The following EPB41L4B variants were observed in gnomAD, a reference collection of about 807,000 sequenced individuals.
The protein encoded by EPB41L4B is band 4.1-like protein 4B.
Under a neutral mutation model 112.5 loss-of-function variants are expected in EPB41L4B, and 30 were observed. The ratio of observed to expected loss-of-function variants is 0.27; its 90% confidence interval spans 0.20 to 0.36. The LOEUF (loss-of-function observed/expected upper bound fraction) is 0.36. Ranked by LOEUF, EPB41L4B falls within the 10% of genes least tolerant of loss-of-function variation. The pLI is 1.00. For missense variants in EPB41L4B, 1,024 were observed against 1,133.3 expected, an observed-to-expected ratio of 0.90 and a Z score of 1.38; for synonymous variants, 408 against 439.7, an observed-to-expected ratio of 0.93 and a Z score of 0.90.
rs190789086 is a variant in EPB41L4B, at chr9:109,216,533, C to T, written c.1633+389G>A. On this transcript the variant is annotated intron_variant, in intron 16 of 25. Transcript: ENST00000374566. Reference sequence around the variant, plus strand: ...GCACATGCCTATAATCTCAGCTACTCGGGAGGCTGAGGCAGGAGAATTGCT... The same window carrying T: ...GCACATGCCTATAATCTCAGCTACTTGGGAGGCTGAGGCAGGAGAATTGCT... Among the ~76,000 whole-genome samples the T allele has an allele frequency of 6.6e-5, 10 of 151,236 alleles. No homozygotes were observed. The East Asian group carries it at 7.8e-4, about 12-fold the overall frequency.
intron 1 of EPB41L4B, among the ~76,000 whole-genome samples, chr9:109,309,908 G>A (rs1355402620): frequency 6.6e-6 from 1 of 152,224 alleles, no homozygotes; most frequent in Non-Finnish European, 1.5e-5. Context: ...AATGCCAAGT[G>A]TTGGAGAAGA....
At chr9:109,293,530 C>T (rs971018449) in intron 1 of EPB41L4B, among the ~76,000 whole-genome samples, 1 of 151,530 alleles carries the variant, frequency 6.6e-6, no homozygotes, top group African/African-American at 2.4e-5. Context: ...TTACAGGCAC[C>T]CGCCACCACG....
intron 2 of EPB41L4B, among the ~76,000 whole-genome samples, chr9:109,274,439 T>C (rs1346106184): frequency 6.6e-6 from 1 of 152,108 alleles, no homozygotes; most frequent in Non-Finnish European, 1.5e-5. Context: ...GTAGACAGTC[T>C]CTCCTCCAGA....
chr9:109,306,660 C>T (rs1055751150), intron 1 of EPB41L4B, among the ~76,000 whole-genome samples: 4 of 152,046 alleles, frequency 2.6e-5, no homozygotes, highest in African/African-American at 9.7e-5. Context: ...GTGAAGGGGT[C>T]CCACCTCCCA....
intron 6 of EPB41L4B, among the ~76,000 whole-genome samples, chr9:109,258,806 A>G (rs985250492): frequency 3.9e-5 from 6 of 152,164 alleles, no homozygotes; most frequent in African/African-American, 1.4e-4. Flanking sequence ...GGAGGCAGGG[A>G]GGAGGGGTGC....
At chr9:109,229,618 AG>A (rs1833890721) in intron 15 of EPB41L4B, among the ~76,000 whole-genome samples, 1 of 152,212 alleles carries the variant, frequency 6.6e-6, no homozygotes, top group South Asian at 2.1e-4. Context: ...CACCTTCTGG[AG>A]GAGCTGGTTG....
In EPB41L4B at chr9:109,256,237, G is replaced by C. The variant is rs530948612; in HGVS notation, c.841-13C>G. The C allele has an allele frequency of 6.2e-7, 1 of 1,612,498 alleles. No homozygotes were observed. Among genetic ancestry groups the C allele is most frequent in the Non-Finnish European group, 8.5e-7 (1 of 1,178,744 alleles). On this transcript the variant is annotated splice_polypyrimidine_tract_variant and intron_variant, in intron 8 of 25. Transcript: ENST00000374566. ...AGCCATCTCTTCCCTACAAACAAAC[G>C]AAGTGACAATCGGTAGAGGGTTCTA...
At position 109,213,599 on chromosome 9, in the gene EPB41L4B, A is replaced by T; in HGVS notation, c.1752+101T>A. On this transcript the variant is annotated intron_variant, in intron 17 of 25. Transcript: ENST00000374566. ...GGAAAGATGGAATAGAGATCCCTCC[A>T]AGGCAAAGGCACTTGGTTTAGCAGG... is the stretch of plus-strand genomic sequence containing the variant. 3 of 926,296 alleles carry T rather than the reference A, an allele frequency of 3.2e-6. No individual in the cohort carries two copies. The South Asian group carries it at 4.3e-5, about 13-fold the overall frequency. The allele number at this position is 926,296 out of a possible 1,614,324, so 57.4% of individuals were successfully genotyped here.
intron 2 of EPB41L4B, among the ~76,000 whole-genome samples, chr9:109,277,566 C>G (rs139957736): frequency 1.3e-5 from 2 of 152,140 alleles, no homozygotes; most frequent in African/African-American, 4.8e-5. Flanking sequence ...AACCTGTGAT[C>G]GGTGCTGATG....
Position 109,174,175 on chromosome 9 carries a change from G to T in EPB41L4B, c.*379C>A, listed in dbSNP as rs1377130142. 2 of 167,848 alleles carry T rather than the reference G, an allele frequency of 1.2e-5. No homozygotes were observed. The highest frequency in any genetic ancestry group is 4.8e-5 in the African/African-American group (2 of 41,988). 10.4% of individuals were successfully genotyped at this position (167,848 alleles called of 1,614,324 possible). ...AATGACTCTTTAACAAACAGTCAAA[G>T]CTCGGTGCAAGTTTCAATCATACAA... is the stretch of plus-strand genomic sequence containing the variant. On this transcript the variant is annotated 3_prime_UTR_variant, in exon 26 of 26. Transcript: ENST00000374566.
At chr9:109,295,204 T>C (rs1219604847) in intron 1 of EPB41L4B, among the ~76,000 whole-genome samples, 1 of 152,090 alleles carries the variant, frequency 6.6e-6, no homozygotes, top group East Asian at 1.9e-4. Flanking sequence ...GTGCCTAACT[T>C]CACAGACACC....
chr9:109,281,707 A>AATAC (rs1836054829), intron 1 of EPB41L4B, among the ~76,000 whole-genome samples: 1 of 124,558 alleles, frequency 8.0e-6, no homozygotes, highest in Non-Finnish European at 1.6e-5. Context: ...TAAATAAATA[A>AATAC]ATAAATAAAT....
At chr9:109,174,681 A>T in intron 25 of EPB41L4B, 58 bp from the exon 26 acceptor site, 1 of 1,468,618 alleles carries the variant, frequency 6.8e-7, no homozygotes, top group South Asian at 1.2e-5. Context: ...GCAGAAGCAG[A>T]CAGCTTAAGT....
In EPB41L4B at chr9:109,253,343, C is replaced by A. The variant is rs141900349; in HGVS notation, c.1279+98G>T. ...CCAAAAGCTCCAGACTGGAGAACTGCGGGTACTTTCTTCATAAGCTGCTTG... is the reference window on the plus strand; with the variant it reads ...CCAAAAGCTCCAGACTGGAGAACTGAGGGTACTTTCTTCATAAGCTGCTTG... On this transcript the variant is annotated intron_variant, in intron 12 of 25. Transcript: ENST00000374566. 2,186 of 797,878 alleles carry A rather than the reference C, an allele frequency of 2.7e-3. 19 individuals are homozygous for A. Among genetic ancestry groups the A allele is most frequent in the Non-Finnish European group, 1.5e-3 (696 of 473,172 alleles). The allele number at this position is 797,878 out of a possible 1,614,324, so 49.4% of individuals were successfully genotyped here. A position where few individuals can be genotyped will look rare whatever the true frequency, so the allele number is the denominator to read the frequency against.
chr9:109,282,298 A>G lies in EPB41L4B; in HGVS notation c.307-2377T>C, dbSNP rs555734936. Among the ~76,000 whole-genome samples, 66 of 152,314 alleles carry G rather than the reference A, an allele frequency of 4.3e-4. No individual in the cohort carries two copies. In the South Asian group the frequency reaches 1.0e-2, roughly 23 times the overall value. The stretch of plus-strand genomic sequence containing the variant: ...TATTTGTAGGGGGCAGGGGGATTTA[A>G]ATGAAATGTTCTAAAATTGCTTGTG... On this transcript the variant is annotated intron_variant, in intron 1 of 25. Coordinates refer to ENST00000374566, the MANE Select transcript of EPB41L4B (RefSeq NM_019114.5).
intron 7 of EPB41L4B, 34 bp from the exon 8 acceptor site, chr9:109,256,514 C>T (rs1400713773): frequency 1.2e-5 from 19 of 1,586,060 alleles, no homozygotes; most frequent in East Asian, 4.5e-5. Context: ...ATGTAAACTG[C>T]GACTCGTAAG....
At chr9:109,279,184 GTTTC>G (rs1835942356) in intron 2 of EPB41L4B, among the ~76,000 whole-genome samples, 1 of 149,248 alleles carries the variant, frequency 6.7e-6, no homozygotes, top group African/African-American at 2.4e-5. Flanking sequence ...CATTAGAAGA[GTTTC>G]TTTCTTTTCC....
intron 13 of EPB41L4B, 133 bp downstream of exon 13, chr9:109,251,348 C>A: frequency 1.2e-6 from 1 of 823,654 alleles, no homozygotes; most frequent in Non-Finnish European, 2.1e-6. Flanking sequence ...AATAGCCAGG[C>A]AGCAGAAAAA....
At chr9:109,236,324 C>G (rs1003053523) in intron 15 of EPB41L4B, among the ~76,000 whole-genome samples, 1 of 151,996 alleles carries the variant, frequency 6.6e-6, no homozygotes, top group Non-Finnish European at 1.5e-5. Flanking sequence ...TTCTGCTTCA[C>G]CTTGGGCCTA....
Sources: allele counts gnomAD v4.1 joint callset (sites outside exome capture counted in the v4.1 genomes callset), GRCh38; gene constraint gnomAD v4.1.1; transcripts MANE v1.5; gene names NCBI Gene and HGNC (gene_info 2026-07-23, HGNC 2026-07-21).